Variants in SPIRE1 observed in about 807,000 individuals in gnomAD.
SPIRE1 encodes spire type actin nucleation factor 1, also known as protein spire homolog 1.
A neutral mutation model predicts 94.1 loss-of-function variants in SPIRE1; 40 were observed. The observed-to-expected ratio is 0.43, with a 90% CI of 0.33 to 0.55. The LOEUF is 0.55. Ranked by LOEUF, SPIRE1 falls within the 20% of genes least tolerant of loss-of-function variation. The pLI, the probability that SPIRE1 is intolerant of heterozygous loss-of-function variation, is 0.06. For synonymous variants in SPIRE1, 376 were observed against 371.7 expected (o/e 1.01, Z -0.13); for missense variants, 838 against 975.2 (o/e 0.86, Z 1.87).
At chr18:12,522,322 C>G (rs1462856194) in intron 4 of SPIRE1, among the ~76,000 whole-genome samples, 2 of 152,296 alleles carry the variant, frequency 1.3e-5, no homozygotes, top group African/African-American at 4.8e-5. Flanking sequence ...CTAAGCAGGG[C>G]TCAAACTCTT....
intron 6 of SPIRE1, among the ~76,000 whole-genome samples, chr18:12,504,843 GC>G (rs957561992): frequency 2.0e-5 from 3 of 152,136 alleles, no homozygotes; most frequent in Non-Finnish European, 4.4e-5. Flanking sequence ...AAGTAAAGAG[GC>G]AAATTATGTG....
chr18:12,644,567 C>T (rs191766063), intron 1 of SPIRE1, among the ~76,000 whole-genome samples: 69 of 152,176 alleles, frequency 4.5e-4, no homozygotes, highest in Admixed American at 2.4e-3. Flanking sequence ...AAAATATAAA[C>T]GGTGGTCAAG....
chr18:12,579,664 C>T (rs1473333433), intron 2 of SPIRE1, among the ~76,000 whole-genome samples: 2 of 152,170 alleles, frequency 1.3e-5, no homozygotes, highest in African/African-American at 4.8e-5. Flanking sequence ...GAGGCTGCTA[C>T]AATTTCTTGG....
At chr18:12,468,479 T>C (rs1231978132) in intron 10 of SPIRE1, among the ~76,000 whole-genome samples, 1 of 152,154 alleles carries the variant, frequency 6.6e-6, no homozygotes, top group African/African-American at 2.4e-5. Flanking sequence ...ATTCAGACTT[T>C]ATTCTCAGTG....
intron 2 of SPIRE1, among the ~76,000 whole-genome samples, chr18:12,554,296 C>CA (rs35637714): frequency 0.16 from 9,049 of 55,678 alleles, 506 homozygotes; most frequent in Non-Finnish European, 0.2. Context: ...AGACTCTGTT[C>CA]AAAAAAAAAA....
At chr18:12,507,749 T>G (rs73403766) in intron 5 of SPIRE1, among the ~76,000 whole-genome samples, 2,256 of 152,214 alleles carry the variant, frequency 0.015, 57 homozygotes, top group African/African-American at 0.051. Flanking sequence ...TATATTTGTA[T>G]TATACTTTAA....
rs2038606041 is a variant in SPIRE1 at position 12,657,936 on chromosome 18, G to C, written c.-70C>G. The C allele has an allele frequency of 2.0e-6, 2 of 1,013,196 alleles. No homozygotes were observed. The highest frequency in any genetic ancestry group is 2.4e-6 in the Non-Finnish European group (2 of 850,238). 62.8% of individuals were successfully genotyped at this position (1,013,196 alleles called of 1,614,324 possible). Reference sequence around the variant, plus strand: ...GTCTCCTCAGCTCCGGAGCATCGTCGTCGCGCGCCGCCGCCTCACCATCCC... The same window carrying C: ...GTCTCCTCAGCTCCGGAGCATCGTCCTCGCGCGCCGCCGCCTCACCATCCC... On this transcript the variant is annotated 5_prime_UTR_variant, in exon 1 of 17. Coordinates refer to ENST00000409402, the MANE Select transcript of SPIRE1 (RefSeq NM_001128626.2).
chr18:12,511,390 G>A (rs1251694107), intron 5 of SPIRE1, among the ~76,000 whole-genome samples: 1 of 152,086 alleles, frequency 6.6e-6, no homozygotes, highest in Non-Finnish European at 1.5e-5. Context: ...GCACATGTGA[G>A]GGATCTAGGT....
intron 3 of SPIRE1, among the ~76,000 whole-genome samples, chr18:12,541,051 A>C (rs2035001011): frequency 6.6e-6 from 1 of 152,206 alleles, no homozygotes; most frequent in South Asian, 2.1e-4. Flanking sequence ...TTGATAGGTC[A>C]CGCATTTGTT....
chr18:12,496,049 G>A lies in SPIRE1; in HGVS notation c.1026C>T (p.Leu342=), dbSNP rs774734890. The change falls in exon 7 of 17, where the codon CTC becomes CTT. Residue 342 remains leucine (L), a synonymous_variant. Transcript: ENST00000409402. The part of the protein sequence containing the change: ...RLKKSAHEII[L]DFIRSRPPLN... The stretch of plus-strand genomic sequence containing the variant: ...AAGGAGGTCTGGATCTGATGAAGTC[G>A]AGGATGATTTCATGAGCACTCTTTT... 4.3e-6 allele frequency: 7 copies of A among 1,613,506 alleles called. No individual in the cohort carries two copies. The highest frequency in any genetic ancestry group is 2.7e-5 in the African/African-American group (2 of 74,872).
At chr18:12,492,936 G>C in intron 8 of SPIRE1, 136 bp downstream of exon 8, 1 of 986,670 alleles carries the variant, frequency 1.0e-6, no homozygotes, top group Non-Finnish European at 1.5e-6. Context: ...ACGAGAGAGT[G>C]AGAGGGAGAA....
intron 2 of SPIRE1, among the ~76,000 whole-genome samples, chr18:12,617,986 T>C (rs1269223969): frequency 1.3e-5 from 2 of 152,246 alleles, no homozygotes; most frequent in Non-Finnish European, 2.9e-5. Context: ...AAAAAATTTA[T>C]ATTTTTACCT....
At chr18:12,587,445 T>C (rs1055064886) in intron 2 of SPIRE1, among the ~76,000 whole-genome samples, 3 of 151,296 alleles carry the variant, frequency 2.0e-5, no homozygotes, top group Admixed American at 1.4e-4. Flanking sequence ...TTAGCACTGA[T>C]AAGGTAGCCA....
intron 2 of SPIRE1, among the ~76,000 whole-genome samples, chr18:12,622,455 C>T (rs1367550627): frequency 1.6e-5 from 2 of 122,472 alleles, no homozygotes; most frequent in African/African-American, 3.0e-5. Context: ...CAGAGTCTTG[C>T]TCTGTCGCCC....
intron 10 of SPIRE1, among the ~76,000 whole-genome samples, chr18:12,470,306 G>A (rs1409500561): frequency 6.6e-6 from 1 of 152,088 alleles, no homozygotes; most frequent in African/African-American, 2.4e-5. Flanking sequence ...AATAACTAAG[G>A]TTTGACATTA....
At chr18:12,554,730 A>G (rs2035451304) in intron 2 of SPIRE1, among the ~76,000 whole-genome samples, 1 of 152,358 alleles carries the variant, frequency 6.6e-6, no homozygotes, top group African/African-American at 2.4e-5. Context: ...ATATTAATGC[A>G]AAAATCCTCA....
At chr18:12,589,882 G>A (rs2036484626) in intron 2 of SPIRE1, among the ~76,000 whole-genome samples, 1 of 152,134 alleles carries the variant, frequency 6.6e-6, no homozygotes, top group Non-Finnish European at 1.5e-5. Flanking sequence ...ATGCAACAAT[G>A]ATATCCACTG....
chr18:12,453,009 A>G (rs1454148463), intron 14 of SPIRE1, 59 bp downstream of exon 14: 2 of 1,087,660 alleles, frequency 1.8e-6, no homozygotes, highest in East Asian at 4.9e-5. Flanking sequence ...AAGGAAGATA[A>G]TTGGTATTTC....
chr18:12,626,075 T>C (rs540942477), intron 2 of SPIRE1, among the ~76,000 whole-genome samples: 2 of 140,454 alleles, frequency 1.4e-5, no homozygotes, highest in African/African-American at 2.7e-5. Context: ...ACAAATCTAA[T>C]TGTCACCTAA....
Sources: allele counts gnomAD v4.1 joint callset (sites outside exome capture counted in the v4.1 genomes callset), GRCh38; gene constraint gnomAD v4.1.1; transcripts MANE v1.5; gene names NCBI Gene and HGNC (gene_info 2026-07-23, HGNC 2026-07-21).